The following RUBCN variants were observed in gnomAD, a reference collection of about 807,000 sequenced individuals.
RUBCN encodes the protein run domain Beclin-1-interacting and cysteine-rich domain-containing protein.
In RUBCN, 74 loss-of-function variants were observed where a neutral mutation model predicts 113.2. That is an observed-to-expected ratio of 0.65 (90% CI 0.54 to 0.79). RUBCN has a LOEUF of 0.79. Ranked by LOEUF, RUBCN falls within the 30% of genes least tolerant of loss-of-function variation. RUBCN has a pLI of 0.00. For synonymous variants in RUBCN, 480 were observed against 490.0 expected (o/e 0.98, Z 0.27); for missense variants, 1,109 against 1,251.7 (o/e 0.89, Z 1.72).
chr3:197,709,670 G>A (rs1041459734), intron 2 of RUBCN, among the ~76,000 whole-genome samples: 15 of 152,164 alleles, frequency 9.9e-5, no homozygotes, highest in Admixed American at 2.0e-4. Context: ...GTGAGCCACC[G>A]CGCCCGGCCT....
intron 2 of RUBCN, among the ~76,000 whole-genome samples, chr3:197,710,161 C>T (rs1482504234): frequency 2.8e-5 from 4 of 144,278 alleles, no homozygotes; most frequent in Non-Finnish European, 6.0e-5. Flanking sequence ...CAGAGTGAGA[C>T]TCTGTCTCAA....
intron 11 of RUBCN, among the ~76,000 whole-genome samples, chr3:197,693,499 C>T (rs1313126388): frequency 6.6e-6 from 1 of 152,210 alleles, no homozygotes; most frequent in African/African-American, 2.4e-5. Flanking sequence ...GTGACATCAA[C>T]GAGCAGCCAC....
intron 2 of RUBCN, 68 bp from the exon 3 acceptor site, chr3:197,705,243 C>T (rs983099054): frequency 1.4e-6 from 2 of 1,421,672 alleles, no homozygotes; most frequent in Non-Finnish European, 2.0e-6. Context: ...CTAGGGTTGG[C>T]ATTCAAAGAT....
rs946614158 is a variant in RUBCN, at chr3:197,705,188, C to A, written c.220-13G>T. On this transcript the variant is annotated splice_polypyrimidine_tract_variant and intron_variant, in intron 2 of 19. Transcript: ENST00000296343. Reference sequence around the variant, plus strand: ...GGCGGCGGCACGCCTGCAAAGGGAACACATACAATGAGCAAATCACGACCA... The same window carrying A: ...GGCGGCGGCACGCCTGCAAAGGGAAAACATACAATGAGCAAATCACGACCA... The A allele has an allele frequency of 3.7e-6, 6 of 1,611,826 alleles. No individual in the cohort carries two copies. The African/African-American group carries it at 6.7e-5, about 18-fold the overall frequency.
intron 7 of RUBCN, among the ~76,000 whole-genome samples, chr3:197,699,739 C>A (rs1027617491): frequency 6.6e-6 from 1 of 152,150 alleles, no homozygotes; most frequent in African/African-American, 2.4e-5. Context: ...TTAGCTCTCA[C>A]CTTTCCAGAA....
At chr3:197,678,523 C>CTG in intron 16 of RUBCN, among the ~76,000 whole-genome samples, 1 of 151,150 alleles carries the variant, frequency 6.6e-6, no homozygotes, top group East Asian at 2.0e-4. Flanking sequence ...TACGCTCTAA[C>CTG]AACTGGCTTC....
In RUBCN at chr3:197,670,688, TCTCA is replaced by T. The variant is rs1442236141; in HGVS notation, c.*4326_*4329del. Among the ~76,000 whole-genome samples the T allele has an allele frequency of 1.3e-5, 2 of 152,256 alleles. No individual in the cohort carries two copies. The highest frequency in any genetic ancestry group is 4.8e-5 in the African/African-American group (2 of 41,470). ...CTTTCACATGGCTTTTTCATTCTCC[TCTCA>T]GTTTAATTTGTAAATATGAAGATTT... On this transcript the variant is annotated 3_prime_UTR_variant, in exon 20 of 20. Coordinates refer to ENST00000296343, the MANE Select transcript of RUBCN (RefSeq NM_014687.4).
At position 197,718,227 on chromosome 3, in the gene RUBCN, A is replaced by G. The variant is rs535820761; in HGVS notation, c.66-97T>C. Reference sequence around the variant, plus strand: ...TCTAAGCCGAGGAGCCTCCTGCCCCACATCCTAACATTCTCTCCCCTCTTA... The same window carrying G: ...TCTAAGCCGAGGAGCCTCCTGCCCCGCATCCTAACATTCTCTCCCCTCTTA... On this transcript the variant is annotated intron_variant, in intron 1 of 19. Transcript: ENST00000296343. 377 of 1,283,694 alleles carry G rather than the reference A, an allele frequency of 2.9e-4. 4 individuals are homozygous for G. The South Asian group carries it at 3.9e-3, about 13-fold the overall frequency. 79.5% of individuals were successfully genotyped at this position (1,283,694 alleles called of 1,614,324 possible).
chr3:197,706,245 C>T (rs75705062), intron 2 of RUBCN, among the ~76,000 whole-genome samples: 15,519 of 152,188 alleles, frequency 0.1, 947 homozygotes, highest in Middle Eastern at 0.15. Context: ...AATGGTCTCA[C>T]GCTGGGACAG....
chr3:197,671,082 T>C lies in RUBCN; in HGVS notation c.*3936A>G, dbSNP rs1719745053. 6.6e-6 allele frequency among the ~76,000 whole-genome samples: 1 copy of C among 152,190 alleles called. No individual in the cohort carries two copies. The highest frequency in any genetic ancestry group is 2.4e-5 in the African/African-American group (1 of 41,444). Reference sequence around the variant, plus strand: ...CAGGATGGAGTGCAATGGAGCAAGCTTGGCTCACTGCAGCCCTCGCCTTCC... The same window carrying C: ...CAGGATGGAGTGCAATGGAGCAAGCCTGGCTCACTGCAGCCCTCGCCTTCC... On this transcript the variant is annotated 3_prime_UTR_variant, in exon 20 of 20. Transcript: ENST00000296343.
chr3:197,672,218 G>A lies in RUBCN; in HGVS notation c.*2800C>T, dbSNP rs894080327. ...GAAAATATTTGTCTTCCACTCTTCT[G>A]CTATGTCTTGAATCTTGTCTCCACC... On this transcript the variant is annotated 3_prime_UTR_variant, in exon 20 of 20. Coordinates refer to ENST00000296343, the MANE Select transcript of RUBCN (RefSeq NM_014687.4). 7.2e-5 allele frequency: 11 copies of A among 152,168 alleles called. No homozygotes were observed. Among genetic ancestry groups the A allele is most frequent in the African/African-American group, 2.7e-4 (11 of 41,430 alleles). The allele number at this position is 152,168 out of a possible 1,614,324, so 9.4% of individuals were successfully genotyped here. A position where few individuals can be genotyped will look rare whatever the true frequency, so the allele number is the denominator to read the frequency against.
chr3:197,713,992 C>T (rs998667295), intron 2 of RUBCN, among the ~76,000 whole-genome samples: 4 of 151,856 alleles, frequency 2.6e-5, no homozygotes, highest in East Asian at 1.9e-4. Context: ...AGGAGAATGG[C>T]GTAAACCCGG....
chr3:197,711,748 C>T lies in RUBCN; in HGVS notation c.219+6229G>A, dbSNP rs1452524301. ...AGTTTTTTATGTGATCAGAAGGGAG[C>T]AAGACTTTTCACTGTATAGTTTTAT... On this transcript the variant is annotated intron_variant, in intron 2 of 19. Transcript: ENST00000296343. Among the ~76,000 whole-genome samples the T allele has an allele frequency of 3.3e-5, 5 of 151,968 alleles. No homozygotes were observed. The East Asian group carries it at 9.6e-4, about 29-fold the overall frequency.
chr3:197,719,880 AAAGT>A (rs1178788390), intron 1 of RUBCN, among the ~76,000 whole-genome samples: 3 of 152,230 alleles, frequency 2.0e-5, no homozygotes, highest in Admixed American at 6.5e-5. Flanking sequence ...TGATCGCAAC[AAAGT>A]AATTAGCATA....
At chr3:197,706,930 T>TA (rs996765631) in intron 2 of RUBCN, among the ~76,000 whole-genome samples, 3 of 152,174 alleles carry the variant, frequency 2.0e-5, no homozygotes, top group African/African-American at 7.2e-5. Context: ...ATTCTGGTGG[T>TA]AGTGCGGCAG....
upstream of RUBCN, among the ~76,000 whole-genome samples, chr3:197,739,639 C>T (rs1186242372): frequency 5.3e-5 from 8 of 152,048 alleles, no homozygotes; most frequent in Non-Finnish European, 1.0e-4. Flanking sequence ...GCGGAGCTTG[C>T]AGTGAGCAGA....
chr3:197,717,581 G>A (rs1725689507), intron 2 of RUBCN, among the ~76,000 whole-genome samples: 1 of 152,196 alleles, frequency 6.6e-6, no homozygotes, highest in Admixed American at 6.5e-5. Context: ...ATTCTCTGTG[G>A]AGCGTCCAGA....
rs528916029 is a variant in RUBCN, at chr3:197,712,584, A to G, written c.219+5393T>C. 3.3e-5 allele frequency among the ~76,000 whole-genome samples: 5 copies of G among 152,296 alleles called. No homozygotes were observed. In the East Asian group the frequency reaches 9.6e-4, roughly 29 times the overall value. The stretch of plus-strand genomic sequence containing the variant: ...CTCAGATCTTTACCAGGCAGAACAG[A>G]GCAGCAAGGAAACCGGCACGGATCT... On this transcript the variant is annotated intron_variant, in intron 2 of 19. Coordinates refer to ENST00000296343, the MANE Select transcript of RUBCN (RefSeq NM_014687.4).
At chr3:197,695,059 A>G (rs1322234476) in intron 9 of RUBCN, among the ~76,000 whole-genome samples, 1 of 152,246 alleles carries the variant, frequency 6.6e-6, no homozygotes, top group African/African-American at 2.4e-5. Flanking sequence ...AGCAAAAACA[A>G]TGCTGCCAGA....
Sources: allele counts gnomAD v4.1 joint callset (sites outside exome capture counted in the v4.1 genomes callset), GRCh38; gene constraint gnomAD v4.1.1; transcripts MANE v1.5; gene names NCBI Gene and HGNC (gene_info 2026-07-23, HGNC 2026-07-21).